Variants in RSU1 observed in about 807,000 individuals in gnomAD.
RSU1 encodes the protein rsu-1.
In RSU1, 26 loss-of-function variants were observed where a neutral mutation model predicts 31.1. The ratio of observed to expected loss-of-function variants is 0.84; its 90% confidence interval spans 0.61 to 1.16. The LOEUF is 1.16. Ranked by LOEUF, RSU1 falls within the 50% of genes most tolerant of loss-of-function variation. The pLI, the probability that RSU1 is intolerant of heterozygous loss-of-function variation, is 0.00. For missense variants in RSU1, 320 were observed against 339.1 expected (o/e 0.94, Z 0.44); for synonymous variants, 164 against 136.3 (o/e 1.20, Z -1.41).
intron 4 of RSU1, among the ~76,000 whole-genome samples, chr10:16,758,170 G>C (rs1243327941): frequency 6.6e-6 from 1 of 152,016 alleles, no homozygotes; most frequent in Non-Finnish European, 1.5e-5. Context: ...CGGGCAGAAA[G>C]AAGTCCTTAA....
chr10:16,768,702 T>C (rs1295040311), intron 3 of RSU1, among the ~76,000 whole-genome samples: 1 of 152,200 alleles, frequency 6.6e-6, no homozygotes. Context: ...TGACCTTCTT[T>C]CCTTCAGGTC....
chr10:16,808,485 GAAAAAAA>G (rs34449677), intron 2 of RSU1, among the ~76,000 whole-genome samples: 3 of 89,616 alleles, frequency 3.3e-5, no homozygotes, highest in Non-Finnish European at 6.8e-5. Flanking sequence ...CTCCATTTAA[GAAAAAAA>G]AAAAAAAAAA....
intron 8 of RSU1, among the ~76,000 whole-genome samples, chr10:16,613,279 CAT>C (rs1564286168): frequency 6.6e-6 from 1 of 152,188 alleles, no homozygotes; most frequent in Non-Finnish European, 1.5e-5. Flanking sequence ...GTGGAATTTC[CAT>C]ATGTCTCTGT....
chr10:16,632,884 G>C (rs1343915609), intron 8 of RSU1, among the ~76,000 whole-genome samples: 1 of 152,180 alleles, frequency 6.6e-6, no homozygotes, highest in African/African-American at 2.4e-5. Flanking sequence ...GGCAGAGGTT[G>C]CAGTGAGCCA....
chr10:16,651,654 C>T (rs1834685659), intron 8 of RSU1, among the ~76,000 whole-genome samples: 2 of 152,186 alleles, frequency 1.3e-5, no homozygotes, highest in Admixed American at 1.3e-4. Flanking sequence ...CTTTCAAAAA[C>T]AGTTCTAATA....
Position 16,695,066 on chromosome 10 carries a change from C to G in RSU1, c.688G>C (p.Val230Leu), listed in dbSNP as rs144428707. ...CGGATATACTCAAAAACATGGGACACGCCAAGCTGGAACTGGTCTGCAATG... is the reference window on the plus strand; with the variant it reads ...CGGATATACTCAAAAACATGGGACAGGCCAAGCTGGAACTGGTCTGCAATG... ...TPIADQFQLGVSHVFEYIRSE... is the reference protein window; with the variant it reads ...TPIADQFQLGLSHVFEYIRSE... The change falls in exon 8 of 9, where the codon GTG becomes CTG. Residue 230 changes from valine (V) to leucine (L), a missense_variant. Coordinates refer to ENST00000345264, the MANE Select transcript of RSU1 (RefSeq NM_012425.4). 9 of 1,612,790 alleles carry G rather than the reference C, an allele frequency of 5.6e-6. No homozygotes were observed. The highest frequency in any genetic ancestry group is 1.3e-5 in the African/African-American group (1 of 74,576).
At chr10:16,789,259 C>T (rs12358910) in intron 2 of RSU1, among the ~76,000 whole-genome samples, 48,433 of 151,910 alleles carry the variant, frequency 0.32, 9,265 homozygotes, top group African/African-American at 0.55. Flanking sequence ...TTGCTTCAGC[C>T]GATCACACCA....
At chr10:16,769,352 A>G (rs1837377659) in intron 3 of RSU1, among the ~76,000 whole-genome samples, 1 of 152,266 alleles carries the variant, frequency 6.6e-6, no homozygotes, top group Non-Finnish European at 1.5e-5. Flanking sequence ...ATTAATCAAA[A>G]TTAAATAAAA....
At chr10:16,707,567 C>G (rs1413055003) in intron 7 of RSU1, among the ~76,000 whole-genome samples, 2 of 112,000 alleles carry the variant, frequency 1.8e-5, no homozygotes, top group African/African-American at 7.7e-5. Context: ...TTTTCTTAAT[C>G]AGGTTTTTTT....
chr10:16,670,737 A>G (rs1835089967), intron 8 of RSU1, among the ~76,000 whole-genome samples: 1 of 152,088 alleles, frequency 6.6e-6, no homozygotes, highest in Non-Finnish European at 1.5e-5. Flanking sequence ...TCCCTTGGTC[A>G]GTACTGGTCA....
chr10:16,741,239 G>A (rs1412028433), intron 7 of RSU1, among the ~76,000 whole-genome samples: 3 of 152,148 alleles, frequency 2.0e-5, no homozygotes, highest in African/African-American at 7.2e-5. Context: ...ACATGGTGCT[G>A]GAACAACAGG....
chr10:16,618,908 A>G (rs1834025261), intron 8 of RSU1, among the ~76,000 whole-genome samples: 1 of 152,178 alleles, frequency 6.6e-6, no homozygotes, highest in African/African-American at 2.4e-5. Context: ...GATGGTTCAT[A>G]GGTGTGGCAA....
At chr10:16,773,635 T>C (rs1272330558) in intron 3 of RSU1, among the ~76,000 whole-genome samples, 1 of 152,176 alleles carries the variant, frequency 6.6e-6, no homozygotes, top group African/African-American at 2.4e-5. Flanking sequence ...ACTTTACACC[T>C]GCCTCCTCCA....
chr10:16,801,983 AC>A (rs1474134795), intron 2 of RSU1, among the ~76,000 whole-genome samples: 2 of 151,962 alleles, frequency 1.3e-5, no homozygotes, highest in Non-Finnish European at 2.9e-5. Context: ...CTCTGCACCA[AC>A]CTAATAAAAT....
intron 7 of RSU1, among the ~76,000 whole-genome samples, chr10:16,750,298 G>C (rs1315594174): frequency 6.6e-6 from 1 of 152,130 alleles, no homozygotes; most frequent in Non-Finnish European, 1.5e-5. Flanking sequence ...ACAACTGTTT[G>C]TCTATAATCA....
At chr10:16,635,525 G>A (rs770771726) in intron 8 of RSU1, among the ~76,000 whole-genome samples, 27 of 152,070 alleles carry the variant, frequency 1.8e-4, no homozygotes, top group Non-Finnish European at 3.1e-4. Context: ...TTCCCCTGTC[G>A]CTGGGACTCT....
At position 16,778,234 on chromosome 10, in the gene RSU1, T is replaced by C. The variant is rs973816886; in HGVS notation, c.160+3800A>G. Among the ~76,000 whole-genome samples, 5 of 152,074 alleles carry C rather than the reference T, an allele frequency of 3.3e-5. No individual in the cohort carries two copies. The East Asian group carries it at 5.8e-4, about 18-fold the overall frequency. On this transcript the variant is annotated intron_variant, in intron 3 of 8. Transcript: ENST00000345264. ...CTGAAGGTCATGTATCTTTAGAGCA[T>C]CACGCTCTACCATGTTTGAAATGAG...
intron 7 of RSU1, among the ~76,000 whole-genome samples, chr10:16,739,954 G>T (rs935383752): frequency 1.3e-5 from 2 of 152,048 alleles, no homozygotes; most frequent in African/African-American, 4.8e-5. Context: ...AAAGACTCTA[G>T]AGGAAACAGA....
At chr10:16,799,440 A>G (rs1838103758) in intron 2 of RSU1, among the ~76,000 whole-genome samples, 1 of 152,136 alleles carries the variant, frequency 6.6e-6, no homozygotes, top group African/African-American at 2.4e-5. Flanking sequence ...AGCAACCGGT[A>G]GGAATGCCTC....
Sources: allele counts gnomAD v4.1 joint callset (sites outside exome capture counted in the v4.1 genomes callset), GRCh38; gene constraint gnomAD v4.1.1; transcripts MANE v1.5; gene names NCBI Gene and HGNC (gene_info 2026-07-23, HGNC 2026-07-21).